MTBP: variants seen among roughly 807,000 people sequenced by gnomAD.
MTBP encodes MDM2 binding protein.
Under a neutral mutation model 117.0 loss-of-function variants are expected in MTBP, and 101 were observed. The observed-to-expected ratio is 0.86, with a 90% CI of 0.73 to 1.02. MTBP has a LOEUF of 1.02. Among genes scored for constraint, MTBP ranks in the 50% least tolerant of loss-of-function variants. MTBP has a pLI of 0.00. For missense variants in MTBP, 970 were observed against 1,030.9 expected, an observed-to-expected ratio of 0.94 and a Z score of 0.81; for synonymous variants, 350 against 351.5, an observed-to-expected ratio of 1.00 and a Z score of 0.05.
At chr8:120,500,528 A>G (rs1197914700) in intron 14 of MTBP, among the ~76,000 whole-genome samples, 1 of 152,220 alleles carries the variant, frequency 6.6e-6, no homozygotes, top group East Asian at 1.9e-4. Context: ...TTTTAGTGGA[A>G]AGCCGCATGA....
At chr8:120,480,620 T>A (rs1392619509) in intron 11 of MTBP, among the ~76,000 whole-genome samples, 1 of 152,176 alleles carries the variant, frequency 6.6e-6, no homozygotes, top group East Asian at 1.9e-4. Context: ...TAGAGTCAGA[T>A]GCCAATGGCG....
chr8:120,466,220 T>A (rs1486185773), intron 10 of MTBP, among the ~76,000 whole-genome samples: 1 of 149,892 alleles, frequency 6.7e-6, no homozygotes, highest in East Asian at 2.0e-4. Flanking sequence ...TCTTTTTTTT[T>A]TTTTTTTTTT....
chr8:120,448,428 C>T (rs969862214), intron 2 of MTBP, among the ~76,000 whole-genome samples: 4 of 152,136 alleles, frequency 2.6e-5, no homozygotes, highest in East Asian at 1.9e-4. Context: ...GTTTCTTTAT[C>T]TCTCTCTTTT....
chr8:120,488,321 A>C lies in MTBP; in HGVS notation c.1328A>C (p.Glu443Ala). Residue 443 changes from glutamate (E) to alanine (A), a missense_variant, in exon 12 of 22, where the codon GAA becomes GCA. Transcript: ENST00000305949. ...GGAAAGATGAAAACAAAGACAGAAG[A>C]AGCCAAATTGAGTAAGTGTTAACTT... ...IHGKMKTKTE[E>A]AKLSFPFDLL... The C allele has an allele frequency of 6.5e-7, 1 of 1,547,822 alleles. No homozygotes were observed. Among genetic ancestry groups the C allele is most frequent in the Non-Finnish European group, 8.7e-7 (1 of 1,154,264 alleles).
intron 2 of MTBP, among the ~76,000 whole-genome samples, chr8:120,449,348 T>TGTAATAGTTATACAG (rs1813290110): frequency 6.6e-6 from 1 of 152,182 alleles, no homozygotes; most frequent in African/African-American, 2.4e-5. Context: ...GTTTGGAACC[T>TGTAATAGTTATACAG]GTTAATAGTT....
intron 11 of MTBP, among the ~76,000 whole-genome samples, chr8:120,479,552 A>G (rs1814027089): frequency 6.6e-6 from 1 of 152,238 alleles, no homozygotes; most frequent in African/African-American, 2.4e-5. Flanking sequence ...TTTCAAGCAC[A>G]TATGAAACAT....
intron 11 of MTBP, among the ~76,000 whole-genome samples, chr8:120,477,757 A>C (rs1242029276): frequency 2.6e-5 from 4 of 152,160 alleles, no homozygotes; most frequent in Admixed American, 2.0e-4. Context: ...GAAACAACAG[A>C]TGCTGGAGAG....
intron 20 of MTBP, among the ~76,000 whole-genome samples, chr8:120,519,163 G>T (rs13270125): frequency 0.54 from 80,113 of 148,382 alleles, 24,415 homozygotes; most frequent in Non-Finnish European, 0.67. Flanking sequence ...TGGGTTAACT[G>T]CAAATTGAAA....
Position 120,459,231 on chromosome 8 carries a change from G to C in MTBP, c.764G>C (p.Ser255Thr). ...TCTTTTCAGTTTGGATTTGAAATTA[G>C]TTTTCCTGAATTTTGTTTAAAGGGA... ...IWERKFGFEI[S>T]FPEFCLKGVT... The change falls in exon 8 of 22, where the codon AGT (serine) becomes ACT (threonine). Residue 255 changes from serine to threonine, a missense_variant. Physicochemically the swap from Ser to Thr is moderately conservative, Grantham distance 58. Transcript: ENST00000305949. The C allele has an allele frequency of 4.4e-6, 7 of 1,608,850 alleles. No homozygotes were observed. The highest frequency in any genetic ancestry group is 5.9e-6 in the Non-Finnish European group (7 of 1,177,496).
At position 120,451,289 on chromosome 8, in the gene MTBP, A is replaced by G; in HGVS notation, c.392A>G (p.Asp131Gly). Residue 131 changes from aspartate to glycine, a missense_variant, in exon 4 of 22, where the codon GAC becomes GGC. Coordinates refer to ENST00000305949, the MANE Select transcript of MTBP (RefSeq NM_022045.5). Reference sequence around the variant, plus strand: ...GCTGTTGAGTGTTTTGAAGAAGAAGACAGTAATAGCAGGGAATCATTATCC... The same window carrying G: ...GCTGTTGAGTGTTTTGAAGAAGAAGGCAGTAATAGCAGGGAATCATTATCC... ...LGAVECFEEE[D>G]SNSRESLSLA... 1 of 1,613,294 alleles carries G rather than the reference A, an allele frequency of 6.2e-7. No homozygotes were observed. The highest frequency in any genetic ancestry group is 8.5e-7 in the Non-Finnish European group (1 of 1,179,516).
At chr8:120,505,740 C>T (rs1416931790) in intron 15 of MTBP, among the ~76,000 whole-genome samples, 1 of 152,136 alleles carries the variant, frequency 6.6e-6, no homozygotes, top group Non-Finnish European at 1.5e-5. Flanking sequence ...TGATCTGATT[C>T]AGTGCATAGT....
chr8:120,462,308 C>T (rs192588584), intron 9 of MTBP, among the ~76,000 whole-genome samples: 6 of 152,184 alleles, frequency 3.9e-5, no homozygotes, highest in African/African-American at 7.2e-5. Context: ...GAAAAGTACA[C>T]GATGTGTTAA....
At chr8:120,481,897 T>C (rs896350414) in intron 11 of MTBP, among the ~76,000 whole-genome samples, 12 of 152,230 alleles carry the variant, frequency 7.9e-5, no homozygotes, top group African/African-American at 2.9e-4. Context: ...TTAATGATTC[T>C]TAACACCAGC....
At chr8:120,515,046 TA>T (rs35549234) in intron 17 of MTBP, among the ~76,000 whole-genome samples, 84,040 of 151,776 alleles carry the variant, frequency 0.55, 25,454 homozygotes, top group Non-Finnish European at 0.67. Context: ...CAGGAAATGA[TA>T]ACACTCCTTG....
chr8:120,455,191 C>CT (rs1176056237), intron 5 of MTBP, among the ~76,000 whole-genome samples: 1 of 151,632 alleles, frequency 6.6e-6, no homozygotes, highest in Non-Finnish European at 1.5e-5. Context: ...CTAGTATATG[C>CT]TAGCTATTTC....
intron 20 of MTBP, among the ~76,000 whole-genome samples, 176 bp downstream of exon 20, chr8:120,518,993 G>A (rs999257477): frequency 6.6e-6 from 1 of 151,956 alleles, no homozygotes; most frequent in African/African-American, 2.4e-5. Flanking sequence ...TTTGATTTGA[G>A]TTCTCATATA....
chr8:120,483,370 A>G (rs1008950883), intron 11 of MTBP, among the ~76,000 whole-genome samples: 2 of 152,080 alleles, frequency 1.3e-5, no homozygotes, highest in African/African-American at 4.8e-5. Flanking sequence ...ATAATTGGTT[A>G]TATTATTTTG....
chr8:120,497,112 A>G (rs1336528234), intron 13 of MTBP, among the ~76,000 whole-genome samples: 1 of 152,192 alleles, frequency 6.6e-6, no homozygotes, highest in Non-Finnish European at 1.5e-5. Flanking sequence ...GACCATTTTA[A>G]TGCTCTGCAA....
intron 11 of MTBP, 90 bp from the exon 12 acceptor site, chr8:120,488,069 T>A (rs1474629135): frequency 1.8e-6 from 2 of 1,101,846 alleles, no homozygotes; most frequent in Non-Finnish European, 1.3e-6. Flanking sequence ...TAACAAAAAA[T>A]TTTATTATAT....
Sources: allele counts gnomAD v4.1 joint callset (sites outside exome capture counted in the v4.1 genomes callset), GRCh38; gene constraint gnomAD v4.1.1; transcripts MANE v1.5; gene names NCBI Gene and HGNC (gene_info 2026-07-23, HGNC 2026-07-21).